SHFL: variants seen among roughly 807,000 people sequenced by gnomAD.
SHFL encodes the protein shiftless antiviral inhibitor of ribosomal frameshifting.
A neutral mutation model predicts 34.7 loss-of-function variants in SHFL; 12 were observed. That is an observed-to-expected ratio of 0.35 (90% CI 0.22 to 0.56). SHFL has a LOEUF of 0.56. Ranked by LOEUF, SHFL falls within the 20% of genes least tolerant of loss-of-function variation. The pLI is 0.88. For synonymous variants in SHFL, 148 were observed against 156.0 expected (o/e 0.95, Z 0.38); for missense variants, 278 against 411.1 (o/e 0.68, Z 2.80).
chr19:10,090,823 G>A (rs570112130), intron 5 of SHFL, among the ~76,000 whole-genome samples: 76 of 151,598 alleles, frequency 5.0e-4, no homozygotes, highest in Middle Eastern at 6.8e-3. Context: ...TGGGAGGATC[G>A]TTTGAGCCTG....
Position 10,091,756 on chromosome 19 carries a change from T to G in SHFL, c.643+126T>G. 1 of 1,306,314 alleles carries G rather than the reference T, an allele frequency of 7.7e-7. No homozygotes were observed. The highest frequency in any genetic ancestry group is 1.0e-6 in the Non-Finnish European group (1 of 968,790). 80.9% of individuals were successfully genotyped at this position (1,306,314 alleles called of 1,614,324 possible). A position where few individuals can be genotyped will look rare whatever the true frequency, so the allele number is the denominator to read the frequency against. ...AGCCACTGCTTCCACATGGCCTCCA[T>G]GACCCCCCAGTCTCCGTGGTCTTGC... is the stretch of plus-strand genomic sequence containing the variant. On this transcript the variant is annotated intron_variant, in intron 7 of 7. Transcript: ENST00000253110. The surrounding 1 kb of genome is among the most constrained non-coding windows in gnomAD (Gnocchi z 8.2).
rs977098121 is a variant in SHFL, at chr19:10,086,620, C to A, written c.21+172C>A. ...AAAGGAAAGTGACTCCCACGTTTCCCCAGAGCGAAATGAGGCCTCCCCGAG... is the reference window on the plus strand; with the variant it reads ...AAAGGAAAGTGACTCCCACGTTTCCACAGAGCGAAATGAGGCCTCCCCGAG... On this transcript the variant is annotated intron_variant, in intron 1 of 7. Transcript: ENST00000253110. The surrounding 1 kb of genome is among the most constrained non-coding windows in gnomAD (Gnocchi z 5.2). 2.6e-5 allele frequency among the ~76,000 whole-genome samples: 4 copies of A among 152,140 alleles called. No individual in the cohort carries two copies. Among genetic ancestry groups the A allele is most frequent in the African/African-American group, 9.7e-5 (4 of 41,428 alleles).
chr19:10,086,881 G>T lies in SHFL; in HGVS notation c.22-48G>T, dbSNP rs779853424. ...CGGTGCCTAGAGATGGGGGAGGGAT[G>T]ATCCCGTTTCCCCTTCCCCCACCGG... On this transcript the variant is annotated intron_variant, in intron 1 of 7. Coordinates refer to ENST00000253110, the MANE Select transcript of SHFL (RefSeq NM_018381.4). The surrounding 1 kb of genome is among the most constrained non-coding windows in gnomAD (Gnocchi z 5.2). 16 of 1,606,284 alleles carry T rather than the reference G, an allele frequency of 1.0e-5. No homozygotes were observed. Among genetic ancestry groups the T allele is most frequent in the Non-Finnish European group, 1.2e-5 (14 of 1,175,534 alleles).
chr19:10,092,538 G>T lies in SHFL; in HGVS notation c.*236G>T, dbSNP rs200914245. 736 of 1,550,776 alleles carry T rather than the reference G, an allele frequency of 4.7e-4. 5 individuals carry two copies. Among genetic ancestry groups the T allele is most frequent in the Non-Finnish European group, 8.5e-5 (97 of 1,144,808 alleles). On this transcript the variant is annotated 3_prime_UTR_variant, in exon 8 of 8. Transcript: ENST00000253110. ...AGAAGGTGTGGCCAGAACAACTTGG[G>T]CTCCTGCTGACCAATGTCCTCTAGG...
chr19:10,087,582 G>C (rs963102577), intron 3 of SHFL: 44 of 512,200 alleles, frequency 8.6e-5, no homozygotes, highest in Non-Finnish European at 1.4e-4. Flanking sequence ...CATCATAGCG[G>C]GGGCGCAGAG....
At chr19:10,089,590 C>G in intron 3 of SHFL, 67 bp from the exon 4 acceptor site, 1 of 1,551,962 alleles carries the variant, frequency 6.4e-7, no homozygotes. Flanking sequence ...GGGGGCCTCC[C>G]CCAGCAAACG....
Position 10,092,802 on chromosome 19 carries a change from T to C in SHFL, c.*500T>C. On this transcript the variant is annotated 3_prime_UTR_variant, in exon 8 of 8. Coordinates refer to ENST00000253110, the MANE Select transcript of SHFL (RefSeq NM_018381.4). Reference sequence around the variant, plus strand: ...TACCTGAGGGGAGAGAGAGAGTCCATGTCCTCTCACCAGAATAAAAGCCTC... The same window carrying C: ...TACCTGAGGGGAGAGAGAGAGTCCACGTCCTCTCACCAGAATAAAAGCCTC... The C allele has an allele frequency of 6.4e-7, 1 of 1,567,788 alleles. No homozygotes were observed. Among genetic ancestry groups the C allele is most frequent in the Non-Finnish European group, 8.7e-7 (1 of 1,149,884 alleles).
At chr19:10,089,434 T>C (rs2088344054) in intron 3 of SHFL, 1 of 1,576,660 alleles carries the variant, frequency 6.3e-7, no homozygotes, top group South Asian at 1.1e-5. Flanking sequence ...TAAGCCTCAG[T>C]TTCCCCATCT....
Position 10,092,110 on chromosome 19 carries a change from C to T in SHFL, c.684C>T (p.Ser228=). 1 of 1,613,814 alleles carries T rather than the reference C, an allele frequency of 6.2e-7. No homozygotes were observed. The highest frequency in any genetic ancestry group is 1.1e-5 in the South Asian group (1 of 91,074). The change falls in exon 8 of 8, where the codon AGC becomes AGT. Residue 228 remains serine (S), a synonymous_variant. Coordinates refer to ENST00000253110, the MANE Select transcript of SHFL (RefSeq NM_018381.4). ...GGACATCCTGTGCTCACCCCAAGAG[C>T]CGGAAGCAGAACCACCTGCCCAAAG... is the stretch of plus-strand genomic sequence containing the variant. ...VPGTSCAHPK[S]RKQNHLPKVL...
At position 10,086,837 on chromosome 19, in the gene SHFL, C is replaced by G. The variant is rs903261985; in HGVS notation, c.22-92C>G. 8 of 1,460,860 alleles carry G rather than the reference C, an allele frequency of 5.5e-6. No homozygotes were observed. The highest frequency in any genetic ancestry group is 7.5e-6 in the Non-Finnish European group (8 of 1,073,674). 90.5% of individuals were successfully genotyped at this position (1,460,860 alleles called of 1,614,324 possible). Reference sequence around the variant, plus strand: ...GGCGGCGGAGGCCAAAACCAAGGGTCAAGTTCGGGCCGGGAGAACGGTGCC... The same window carrying G: ...GGCGGCGGAGGCCAAAACCAAGGGTGAAGTTCGGGCCGGGAGAACGGTGCC... On this transcript the variant is annotated intron_variant, in intron 1 of 7. Coordinates refer to ENST00000253110, the MANE Select transcript of SHFL (RefSeq NM_018381.4). This position sits in a 1 kb window ranked among gnomAD's most constrained non-coding sequence, Gnocchi z 5.2.
At position 10,089,869 on chromosome 19, in the gene SHFL, A is replaced by C. The variant is rs1315478299; in HGVS notation, c.235-29A>C. ...GGTGCAGAAGGGGTGACACCCCCCC[A>C]CCTCATCCCCACCTGCCCCATTCCA... On this transcript the variant is annotated intron_variant, in intron 4 of 7. Coordinates refer to ENST00000253110, the MANE Select transcript of SHFL (RefSeq NM_018381.4). 2.5e-6 allele frequency: 4 copies of C among 1,605,516 alleles called. No homozygotes were observed. In the Admixed American group the frequency reaches 5.1e-5, roughly 20 times the overall value.
chr19:10,092,439 G>A lies in SHFL; in HGVS notation c.*137G>A. 1 of 1,523,320 alleles carries A rather than the reference G, an allele frequency of 6.6e-7. No individual in the cohort carries two copies. The highest frequency in any genetic ancestry group is 1.4e-5 in the African/African-American group (1 of 71,546). The allele number at this position is 1,523,320 out of a possible 1,614,324, so 94.4% of individuals were successfully genotyped here. ...AGATATTGACGGGGGGGATTCCTGG[G>A]TCCCATTTTCAGCGCCCAGGGTCAC... is the stretch of plus-strand genomic sequence containing the variant. On this transcript the variant is annotated 3_prime_UTR_variant, in exon 8 of 8. Coordinates refer to ENST00000253110, the MANE Select transcript of SHFL (RefSeq NM_018381.4).
Position 10,093,214 on chromosome 19 carries a change from C to T in SHFL, c.*912C>T, listed in dbSNP as rs2088438484. Reference sequence around the variant, plus strand: ...GGATAAAAGTCCTGACCTTTGTTCTCTTGACGGAATAAAAGCTTGCTTATC... The same window carrying T: ...GGATAAAAGTCCTGACCTTTGTTCTTTTGACGGAATAAAAGCTTGCTTATC... On this transcript the variant is annotated 3_prime_UTR_variant, in exon 8 of 8. Coordinates refer to ENST00000253110, the MANE Select transcript of SHFL (RefSeq NM_018381.4). The T allele has an allele frequency of 8.1e-7, 1 of 1,241,942 alleles. No homozygotes were observed. The highest frequency in any genetic ancestry group is 2.3e-5 in the East Asian group (1 of 42,574). The allele number at this position is 1,241,942 out of a possible 1,614,324, so 76.9% of individuals were successfully genotyped here. A position where few individuals can be genotyped will look rare whatever the true frequency, so the allele number is the denominator to read the frequency against.
chr19:10,089,570 C>T (rs2088345727), intron 3 of SHFL, 87 bp from the exon 4 acceptor site: 1 of 1,514,998 alleles, frequency 6.6e-7, no homozygotes, highest in Admixed American at 2.0e-5. Flanking sequence ...GCACCCTACT[C>T]ATTGCGGCCG....
chr19:10,092,308 G>C lies in SHFL; in HGVS notation c.*6G>C. The C allele has an allele frequency of 6.4e-7, 1 of 1,565,686 alleles. No individual in the cohort carries two copies. The stretch of plus-strand genomic sequence containing the variant: ...AGGGCGGGCCCAGGGAGTGACCCCT[G>C]CCAGGTGCAGATACAAACCAGACAC... On this transcript the variant is annotated 3_prime_UTR_variant, in exon 8 of 8. Transcript: ENST00000253110.
chr19:10,087,093 C>T (rs767213644), intron 2 of SHFL, 41 bp downstream of exon 2: 2 of 1,597,750 alleles, frequency 1.3e-6, no homozygotes, highest in Non-Finnish European at 1.7e-6. Flanking sequence ...GGGGACCGCG[C>T]GTGGGAGCGC....
At chr19:10,089,271 A>G in intron 3 of SHFL, 1 of 1,589,856 alleles carries the variant, frequency 6.3e-7, no homozygotes, top group Non-Finnish European at 8.5e-7. Context: ...GAAGTGATAC[A>G]GCTGGGATTT....
rs776478367 is a variant in SHFL, at chr19:10,089,986, G to A, written c.323G>A (p.Arg108Gln). ...AQDDLIPAVD[R>Q]QFACSSCDHV... ...GACGACCTTATCCCTGCTGTGGACC[G>A]GCAGTTTGCCTGCTCCTCCTGCGAC... Residue 108 changes from arginine to glutamine, a missense_variant, in exon 5 of 8, where the codon CGG becomes CAG. By Grantham distance (43) the Arg-to-Gln change is conservative. Coordinates refer to ENST00000253110, the MANE Select transcript of SHFL (RefSeq NM_018381.4). 4.3e-6 allele frequency: 7 copies of A among 1,609,464 alleles called. No homozygotes were observed. Among genetic ancestry groups the A allele is most frequent in the East Asian group, 2.2e-5 (1 of 44,726 alleles).
Position 10,092,824 on chromosome 19 carries a change from C to T in SHFL, c.*522C>T, listed in dbSNP as rs2145163217. 1 of 1,490,970 alleles carries T rather than the reference C, an allele frequency of 6.7e-7. No individual in the cohort carries two copies. 92.4% of individuals were successfully genotyped at this position (1,490,970 alleles called of 1,614,324 possible). A position where few individuals can be genotyped will look rare whatever the true frequency, so the allele number is the denominator to read the frequency against. ...CCATGTCCTCTCACCAGAATAAAAGCCTCTACCTGCACCTCACAGTGCAAG... is the reference window on the plus strand; with the variant it reads ...CCATGTCCTCTCACCAGAATAAAAGTCTCTACCTGCACCTCACAGTGCAAG... On this transcript the variant is annotated 3_prime_UTR_variant, in exon 8 of 8. Transcript: ENST00000253110.
Sources: allele counts gnomAD v4.1 joint callset (sites outside exome capture counted in the v4.1 genomes callset), GRCh38; gene constraint gnomAD v4.1.1; non-coding constraint Gnocchi (gnomAD v3.1); transcripts MANE v1.5; gene names NCBI Gene and HGNC (gene_info 2026-07-23, HGNC 2026-07-21).